CERS6: variants seen among roughly 807,000 people sequenced by gnomAD.
CERS6 encodes the protein LAG1 homolog, ceramide synthase 6.
Under a neutral mutation model 56.8 loss-of-function variants are expected in CERS6, and 26 were observed. The ratio of observed to expected loss-of-function variants is 0.46; its 90% CI spans 0.34 to 0.63. The LOEUF (loss-of-function observed/expected upper bound fraction) is 0.63. CERS6 is among the 30% of genes least tolerant of loss of function. CERS6 has a pLI of 0.01. For missense variants in CERS6, 415 were observed against 467.5 expected, an observed-to-expected ratio of 0.89 and a Z score of 1.04; for synonymous variants, 164 against 173.3, an observed-to-expected ratio of 0.95 and a Z score of 0.42.
chr2:168,529,090 C>T (rs2105361149), intron 1 of CERS6, among the ~76,000 whole-genome samples: 1 of 152,306 alleles, frequency 6.6e-6, no homozygotes, highest in Non-Finnish European at 1.5e-5. Flanking sequence ...GTGCCAGGAG[C>T]ATGTGCTGTC....
rs750818592 is a variant in CERS6, at chr2:168,471,768, C to T, written c.170+15150C>T. ...GTCTAAAGCTTTTCTAAATTGAATG[C>T]GCTTAGCTGCTAGAAACTTCCACCT... is the stretch of plus-strand genomic sequence containing the variant. On this transcript the variant is annotated intron_variant, in intron 1 of 9. Transcript: ENST00000305747. Among the ~76,000 whole-genome samples the T allele has an allele frequency of 8.1e-4, 123 of 152,268 alleles. 1 individual carries two copies. The highest frequency in any genetic ancestry group is 1.5e-3 in the Non-Finnish European group (105 of 68,024).
At chr2:168,624,694 C>T (rs890915534) in intron 3 of CERS6, among the ~76,000 whole-genome samples, 1 of 152,180 alleles carries the variant, frequency 6.6e-6, no homozygotes, top group Non-Finnish European at 1.5e-5. Context: ...ACAATTACTT[C>T]ATGTCCAAAC....
chr2:168,584,326 T>G (rs1440869184), intron 3 of CERS6, among the ~76,000 whole-genome samples: 3 of 152,214 alleles, frequency 2.0e-5, no homozygotes, highest in African/African-American at 7.2e-5. Context: ...GTGATACCCC[T>G]CTGTGGAAAT....
At chr2:168,669,604 G>A (rs1250211573) in intron 4 of CERS6, among the ~76,000 whole-genome samples, 3 of 152,112 alleles carry the variant, frequency 2.0e-5, no homozygotes, top group African/African-American at 7.2e-5. Context: ...GTTATTACTG[G>A]TATTATTGGG....
chr2:168,512,780 G>A (rs1356614812), intron 1 of CERS6, among the ~76,000 whole-genome samples: 1 of 151,216 alleles, frequency 6.6e-6, no homozygotes, highest in Non-Finnish European at 1.5e-5. Flanking sequence ...CGATTCTCCT[G>A]CTTCAGCCTC....
At chr2:168,752,025 A>G (rs1320614452) in intron 8 of CERS6, among the ~76,000 whole-genome samples, 1 of 152,180 alleles carries the variant, frequency 6.6e-6, no homozygotes, top group African/African-American at 2.4e-5. Context: ...AGTCTTATCT[A>G]TCTTAAAATC....
intron 1 of CERS6, among the ~76,000 whole-genome samples, chr2:168,523,308 T>C (rs996820627): frequency 2.6e-5 from 4 of 152,194 alleles, no homozygotes; most frequent in Admixed American, 1.3e-4. Context: ...TGTTCTCTTA[T>C]CAGGGAAGAA....
Position 168,559,733 on chromosome 2 carries a change from T to TTTTATATATATATATA in CERS6, c.277-1459_277-1458insTTTATATATATATATA, listed in dbSNP as rs61031993. ...TGCTTGAGCTGCTTTTAGAAAGGTA[T>TTTTATATATATATATA]CATATATATATATATATATATTTCA... On this transcript the variant is annotated intron_variant, in intron 2 of 9. Transcript: ENST00000305747. Among the ~76,000 whole-genome samples, 43 of 66,276 alleles carry TTTTATATATATATATA rather than the reference T, an allele frequency of 6.5e-4. 4 individuals carry two copies. The highest frequency in any genetic ancestry group is 1.9e-3 in the African/African-American group (39 of 20,198). The allele number at this position is 66,276 out of a possible 152,430, so 43.5% of individuals were successfully genotyped here.
chr2:168,551,489 A>G (rs138993115), intron 2 of CERS6, among the ~76,000 whole-genome samples: 3 of 152,280 alleles, frequency 2.0e-5, no homozygotes, highest in Non-Finnish European at 2.9e-5. Flanking sequence ...CAGATAGCTC[A>G]TATGTAAAAA....
chr2:168,763,756 T>C (rs978281202), intron 8 of CERS6, among the ~76,000 whole-genome samples: 2 of 152,202 alleles, frequency 1.3e-5, no homozygotes, highest in African/African-American at 4.8e-5. Context: ...AGAATCAGAT[T>C]GTCCCAGCAA....
intron 8 of CERS6, among the ~76,000 whole-genome samples, chr2:168,751,391 A>G (rs1019816163): frequency 6.6e-6 from 1 of 152,188 alleles, no homozygotes; most frequent in African/African-American, 2.4e-5. Context: ...ATGGGAGCCC[A>G]TGCCACTTCA....
intron 2 of CERS6, among the ~76,000 whole-genome samples, chr2:168,556,648 GAGTCTTGCTATAATCTAGGAATC>G (rs1204049504): frequency 6.6e-6 from 1 of 152,064 alleles, no homozygotes; most frequent in Non-Finnish European, 1.5e-5. Context: ...AGTATTTATT[GAGTCTTGCTATAATCTAGGAATC>G]AGTGAAAAAG....
At chr2:168,670,965 T>TCCC (rs1685893692) in intron 4 of CERS6, among the ~76,000 whole-genome samples, 3 of 23,168 alleles carry the variant, frequency 1.3e-4, no homozygotes, top group Non-Finnish European at 4.0e-4. Flanking sequence ...GGATACATGC[T>TCCC]TCCCCCCCCC....
chr2:168,506,664 A>T lies in CERS6; in HGVS notation c.171-40932A>T, dbSNP rs1025431467. On this transcript the variant is annotated intron_variant, in intron 1 of 9. Transcript: ENST00000305747. ...TGCTGCTTCTGATGCTATTAACCAA[A>T]TGACACTTTTTGTCTTCATTCAAAC... is the stretch of plus-strand genomic sequence containing the variant. Among the ~76,000 whole-genome samples the T allele has an allele frequency of 1.3e-5, 2 of 152,162 alleles. 1 individual carries two copies. Among genetic ancestry groups the T allele is most frequent in the African/African-American group, 4.8e-5 (2 of 41,444 alleles).
intron 3 of CERS6, among the ~76,000 whole-genome samples, chr2:168,608,857 G>A (rs1684116694): frequency 6.6e-6 from 1 of 152,136 alleles, no homozygotes; most frequent in Admixed American, 6.5e-5. Context: ...TGAAACATGA[G>A]TTATGAATTC....
rs776675665 is a variant in CERS6, at chr2:168,771,604, A to G, written c.*1942A>G. ...GCAAGTATATGTATAAGGTAATAGCATATTACAGCTGAAAATTTTGAGAAG... is the reference window on the plus strand; with the variant it reads ...GCAAGTATATGTATAAGGTAATAGCGTATTACAGCTGAAAATTTTGAGAAG... On this transcript the variant is annotated 3_prime_UTR_variant, in exon 10 of 10. Coordinates refer to ENST00000305747, the MANE Select transcript of CERS6 (RefSeq NM_203463.3). 6.6e-6 allele frequency: 1 copy of G among 152,202 alleles called. No homozygotes were observed. Among genetic ancestry groups the G allele is most frequent in the African/African-American group, 2.4e-5 (1 of 41,458 alleles). 9.4% of individuals were successfully genotyped at this position (152,202 alleles called of 1,614,324 possible). A position where few individuals can be genotyped will look rare whatever the true frequency, so the allele number is the denominator to read the frequency against.
intron 2 of CERS6, among the ~76,000 whole-genome samples, chr2:168,555,066 G>T (rs975252390): frequency 2.0e-5 from 3 of 152,156 alleles, no homozygotes; most frequent in Middle Eastern, 3.4e-3. Flanking sequence ...TAATTAGGAA[G>T]ATCTAAGGGG....
At chr2:168,698,753 T>C (rs1403672926) in intron 6 of CERS6, among the ~76,000 whole-genome samples, 3 of 152,204 alleles carry the variant, frequency 2.0e-5, no homozygotes, top group African/African-American at 4.8e-5. Flanking sequence ...TTTGTATTAC[T>C]TTAACATATA....
chr2:168,641,275 C>A (rs776666783), intron 4 of CERS6, among the ~76,000 whole-genome samples: 5 of 151,662 alleles, frequency 3.3e-5, no homozygotes, highest in Non-Finnish European at 5.9e-5. Context: ...TTAGACGTGT[C>A]TTTCAATTAA....
Sources: allele counts gnomAD v4.1 joint callset (sites outside exome capture counted in the v4.1 genomes callset), GRCh38; gene constraint gnomAD v4.1.1; transcripts MANE v1.5; gene names NCBI Gene and HGNC (gene_info 2026-07-23, HGNC 2026-07-21).